Variants in OSBPL8 observed in about 807,000 individuals in gnomAD.
OSBPL8 encodes the protein oxysterol binding protein like 8.
A neutral mutation model predicts 125.5 loss-of-function variants in OSBPL8; 59 were observed. That is an observed-to-expected ratio of 0.47 (90% confidence interval 0.38 to 0.58). The LOEUF (loss-of-function observed/expected upper bound fraction) is 0.58. Ranked by LOEUF, OSBPL8 falls within the 20% of genes least tolerant of loss-of-function variation. The probability of loss-of-function intolerance (pLI) is 0.00; values close to 1 mark genes in which losing one functional copy is unlikely to be tolerated. For missense variants in OSBPL8, 758 were observed against 1,047.8 expected, an observed-to-expected ratio of 0.72 and a Z score of 3.82; for synonymous variants, 330 against 338.9, an observed-to-expected ratio of 0.97 and a Z score of 0.29.
At chr12:76,391,761 T>G (rs1234363124) in intron 10 of OSBPL8, among the ~76,000 whole-genome samples, 4 of 151,438 alleles carry the variant, frequency 2.6e-5, no homozygotes, top group African/African-American at 9.7e-5. Flanking sequence ...AGTCCCTGGC[T>G]CTAAAAAATT....
At chr12:76,490,355 C>T (rs1878582348) in intron 1 of OSBPL8, among the ~76,000 whole-genome samples, 1 of 152,188 alleles carries the variant, frequency 6.6e-6, no homozygotes. Context: ...TCCTAAACCA[C>T]CCATGGACCT....
chr12:76,443,912 ATTATT>A (rs919286182), intron 4 of OSBPL8, among the ~76,000 whole-genome samples: 27 of 152,336 alleles, frequency 1.8e-4, no homozygotes, highest in African/African-American at 6.5e-4. Flanking sequence ...TTAAGGTAAA[ATTATT>A]TTAAAGTAAA....
At chr12:76,508,916 G>A (rs1026687329) in intron 1 of OSBPL8, among the ~76,000 whole-genome samples, 1 of 152,136 alleles carries the variant, frequency 6.6e-6, no homozygotes, top group East Asian at 1.9e-4. Context: ...ATAAGTATAA[G>A]TAGATGAGCA....
At chr12:76,524,959 C>G (rs1350753269) in intron 1 of OSBPL8, among the ~76,000 whole-genome samples, 1 of 152,166 alleles carries the variant, frequency 6.6e-6, no homozygotes, top group East Asian at 1.9e-4. Context: ...GCTGGAATTA[C>G]AGGCGTGAGC....
chr12:76,522,966 T>C (rs541572134), intron 1 of OSBPL8, among the ~76,000 whole-genome samples: 187 of 152,192 alleles, frequency 1.2e-3, no homozygotes, highest in Non-Finnish European at 2.2e-3. Context: ...GCCTCCCAAG[T>C]AGCTGCGACT....
intron 1 of OSBPL8, among the ~76,000 whole-genome samples, chr12:76,553,087 C>A (rs80015695): frequency 0.01 from 1,581 of 152,222 alleles, 35 homozygotes; most frequent in African/African-American, 0.037. Flanking sequence ...TACCTGTGCC[C>A]TCACATCCAA....
In OSBPL8 at chr12:76,394,654, C is replaced by T; in HGVS notation, c.748G>A (p.Glu250Lys). The T allele has an allele frequency of 6.2e-6, 10 of 1,611,344 alleles. No individual in the cohort carries two copies. The highest frequency in any genetic ancestry group is 8.5e-6 in the Non-Finnish European group (10 of 1,178,844). Reference sequence around the variant, plus strand: ...CAAAAACTATACTTACCATCTGACTCTGAAGTAGCTCGGATGATCAAATAA... The same window carrying T: ...CAAAAACTATACTTACCATCTGACTTTGAAGTAGCTCGGATGATCAAATAA... ...SSYLIIRATSESDGRCWMDAL... is the reference protein window; with the variant it reads ...SSYLIIRATSKSDGRCWMDAL... The change falls in exon 9 of 24, where the codon GAG becomes AAG. Residue 250 changes from glutamate to lysine, a missense_variant. Transcript: ENST00000261183.
chr12:76,420,256 GAAGTCAAAATATACA>G (rs1267059395), intron 4 of OSBPL8, among the ~76,000 whole-genome samples: 1 of 152,022 alleles, frequency 6.6e-6, no homozygotes, highest in Admixed American at 6.6e-5. Context: ...AAAAATCTGA[GAAGTCAAAATATACA>G]AAACAACTAT....
chr12:76,523,896 C>CA (rs1344657628), intron 1 of OSBPL8, among the ~76,000 whole-genome samples: 1 of 152,098 alleles, frequency 6.6e-6, no homozygotes, highest in Non-Finnish European at 1.5e-5. Flanking sequence ...TCATTTAACT[C>CA]AAAAAACAAA....
chr12:76,383,405 A>C (rs201129899), intron 15 of OSBPL8, among the ~76,000 whole-genome samples: 16 of 139,132 alleles, frequency 1.1e-4, no homozygotes, highest in African/African-American at 2.9e-4. Context: ...AAAAAAAAAA[A>C]CCCAAAACCA....
intron 15 of OSBPL8, among the ~76,000 whole-genome samples, chr12:76,380,064 G>T (rs1046336742): frequency 2.0e-5 from 3 of 152,034 alleles, no homozygotes; most frequent in Non-Finnish European, 4.4e-5. Context: ...CTAAAATCAG[G>T]CAGTGAAAGA....
intron 1 of OSBPL8, among the ~76,000 whole-genome samples, chr12:76,530,241 T>G (rs971588193): frequency 5.5e-4 from 56 of 102,696 alleles, no homozygotes; most frequent in African/African-American, 2.4e-3. Flanking sequence ...TTTTTTTTTT[T>G]GTAGAAAAGT....
rs767690216 is a variant in OSBPL8, at chr12:76,390,455, T to C, written c.1132A>G (p.Thr378Ala). The C allele has an allele frequency of 1.9e-6, 3 of 1,613,770 alleles. No individual in the cohort carries two copies. Among genetic ancestry groups the C allele is most frequent in the East Asian group, 2.2e-5 (1 of 44,818 alleles). Residue 378 changes from threonine (T) to alanine (A), a missense_variant, in exon 11 of 24, where the codon ACC (threonine) becomes GCC (alanine). Thr to Ala is a moderately conservative substitution (Grantham distance 58, BLOSUM62 0). Transcript: ENST00000261183. ...TCTTCATGGCTCTGTTCAGTGTAGG[T>C]AGTCTCCTTTAAAGGCTCAACAGGC... ...PEPVEPLKET[T>A]YTEQSHEELG...
chr12:76,529,195 G>C (rs1479059231), intron 1 of OSBPL8, among the ~76,000 whole-genome samples: 4 of 152,032 alleles, frequency 2.6e-5, no homozygotes, highest in Non-Finnish European at 5.9e-5. Context: ...AAAGCATTAT[G>C]AACTAACAAT....
intron 1 of OSBPL8, among the ~76,000 whole-genome samples, chr12:76,523,546 T>G (rs187974014): frequency 6.6e-6 from 1 of 152,232 alleles, no homozygotes; most frequent in African/African-American, 2.4e-5. Context: ...CATGTGGAGA[T>G]AGGGCCTTGG....
intron 2 of OSBPL8, among the ~76,000 whole-genome samples, chr12:76,466,008 GA>G (rs961352973): frequency 9.8e-4 from 137 of 139,488 alleles, no homozygotes; most frequent in South Asian, 2.7e-3. Flanking sequence ...TCTCAAAAAA[GA>G]AAAAAAAAAA....
intron 1 of OSBPL8, among the ~76,000 whole-genome samples, chr12:76,488,541 TA>T (rs540888966): frequency 2.0e-4 from 31 of 152,204 alleles, no homozygotes; most frequent in Non-Finnish European, 4.0e-4. Context: ...CATAGTTTGG[TA>T]ACTCTCAAAT....
intron 1 of OSBPL8, among the ~76,000 whole-genome samples, chr12:76,532,185 C>G (rs546607069): frequency 6.6e-6 from 1 of 151,996 alleles, no homozygotes; most frequent in African/African-American, 2.4e-5. Context: ...AAACTGTACT[C>G]CTTCAGCTGA....
chr12:76,454,729 T>TAA (rs140485885), intron 3 of OSBPL8, among the ~76,000 whole-genome samples: 73 of 117,110 alleles, frequency 6.2e-4, no homozygotes, highest in Admixed American at 3.3e-3. Flanking sequence ...TTTAAAAAAT[T>TAA]AAAAAAAAAA....
Sources: gnomAD v4.1 joint callset for allele counts (sites outside exome capture counted in the v4.1 genomes callset) on GRCh38, gnomAD v4.1.1 for gene constraint, MANE v1.5 for transcripts, NCBI Gene and HGNC (gene_info 2026-07-23, HGNC 2026-07-21) for gene names.